The following PTPRT variants were observed in gnomAD, a reference collection of about 807,000 sequenced individuals.
The protein encoded by PTPRT is receptor-type tyrosine-protein phosphatase T.
In PTPRT, 56 loss-of-function variants were observed where a neutral mutation model predicts 176.8. That is an observed-to-expected ratio of 0.32 (90% CI 0.26 to 0.40). The LOEUF (loss-of-function observed/expected upper bound fraction) is 0.40, where lower values mean the gene tolerates loss of function less well. Ranked by LOEUF, PTPRT falls within the 10% of genes least tolerant of loss-of-function variation. The pLI, the probability that PTPRT is intolerant of heterozygous loss-of-function variation, is 1.00. For synonymous variants in PTPRT, 783 were observed against 739.0 expected, an observed-to-expected ratio of 1.06 and a Z score of -0.96; for missense variants, 1,540 against 1,908.2, an observed-to-expected ratio of 0.81 and a Z score of 3.60.
At chr20:42,433,481 A>G (rs2145808869) in intron 9 of PTPRT, among the ~76,000 whole-genome samples, 2 of 152,276 alleles carry the variant, frequency 1.3e-5, no homozygotes, top group African/African-American at 4.8e-5. Flanking sequence ...GTGCTGTGCC[A>G]TGATGAAAGG....
intron 2 of PTPRT, 34 bp from the exon 3 acceptor site, chr20:42,791,500 CAA>C: frequency 6.4e-7 from 1 of 1,572,910 alleles, no homozygotes; most frequent in Non-Finnish European, 8.6e-7. Context: ...GAAGTAGAGA[CAA>C]AGAGAAAGTA....
In PTPRT at chr20:42,653,036, T is replaced by C. The variant is rs557799733; in HGVS notation, c.1153+24830A>G. On this transcript the variant is annotated intron_variant, in intron 7 of 30. Transcript: ENST00000373187. ...CTAACAGACTGATATGATTTGGCTA[T>C]GTCCCCAACCAAATCTCATCTTGAA... 5.6e-4 allele frequency among the ~76,000 whole-genome samples: 86 copies of C among 152,294 alleles called. 1 individual carries two copies. The highest frequency in any genetic ancestry group is 3.4e-3 in the Middle Eastern group (1 of 294).
intron 7 of PTPRT, among the ~76,000 whole-genome samples, chr20:42,593,622 A>C (rs1445252551): frequency 2.0e-5 from 3 of 152,342 alleles, no homozygotes; most frequent in African/African-American, 7.2e-5. Flanking sequence ...AAGAGTGGGA[A>C]GTTGTTGCTT....
In PTPRT at chr20:42,199,310, G is replaced by C; in HGVS notation, c.2421C>G (p.Pro807=). The C allele has an allele frequency of 3.1e-6, 5 of 1,614,176 alleles. No homozygotes were observed. The highest frequency in any genetic ancestry group is 4.2e-6 in the Non-Finnish European group (5 of 1,180,022). The change falls in exon 16 of 31, where the codon CCC becomes CCG. Residue 807 remains proline, a synonymous_variant. Transcript: ENST00000373187. ...TGCGGCTGGCGCTGAGCTTGGTGGT[G>C]GGTTTGTCGGCAGAGGCCACAGGCC... ...EMGPVASADK[P]TTKLSASRND...
chr20:42,352,794 C>T (rs145808653), intron 9 of PTPRT, among the ~76,000 whole-genome samples: 84 of 152,176 alleles, frequency 5.5e-4, no homozygotes, highest in African/African-American at 1.8e-3. Flanking sequence ...ATGATTATTA[C>T]GCATTGCATG....
chr20:42,792,688 A>G (rs776424162), intron 2 of PTPRT, among the ~76,000 whole-genome samples: 8 of 152,172 alleles, frequency 5.3e-5, no homozygotes, highest in Non-Finnish European at 1.2e-4. Flanking sequence ...AATAAACCTT[A>G]AGACCACTTA....
chr20:42,504,835 T>G (rs1210194781), intron 7 of PTPRT, among the ~76,000 whole-genome samples: 1 of 152,198 alleles, frequency 6.6e-6, no homozygotes, highest in African/African-American at 2.4e-5. Flanking sequence ...TCTTTGAATT[T>G]ACTGAGTTTT....
chr20:42,911,776 T>G (rs1978394960), intron 1 of PTPRT, among the ~76,000 whole-genome samples: 1 of 152,052 alleles, frequency 6.6e-6, no homozygotes, highest in Admixed American at 6.6e-5. Flanking sequence ...CTTTTGAGAC[T>G]TTTTTTCCAA....
At chr20:42,537,600 A>G (rs1217766207) in intron 7 of PTPRT, among the ~76,000 whole-genome samples, 1 of 152,118 alleles carries the variant, frequency 6.6e-6, no homozygotes, top group Non-Finnish European at 1.5e-5. Flanking sequence ...CAGGATTGAA[A>G]ACCAGCTGTT....
chr20:42,496,108 G>T (rs1050521855), intron 7 of PTPRT, among the ~76,000 whole-genome samples: 1 of 152,044 alleles, frequency 6.6e-6, no homozygotes, highest in Non-Finnish European at 1.5e-5. Context: ...TATTCATTAA[G>T]GGGAAGTGGA....
intron 12 of PTPRT, 60 bp downstream of exon 12, chr20:42,315,663 C>T: frequency 6.4e-7 from 1 of 1,562,580 alleles, no homozygotes; most frequent in South Asian, 1.2e-5. Context: ...GCTGACTTAT[C>T]ATTTGAGAAT....
the PTPRT span, among the ~76,000 whole-genome samples, chr20:42,059,446 G>A: frequency 2.6e-5 from 4 of 152,124 alleles, no homozygotes; most frequent in Admixed American, 6.5e-5. Context: ...GCAAGAAGGC[G>A]GCTCAACAAT....
At chr20:42,350,485 G>T in intron 11 of PTPRT, 143 bp downstream of exon 11, 1 of 706,824 alleles carries the variant, frequency 1.4e-6, no homozygotes, top group Non-Finnish European at 2.5e-6. Context: ...AACTGGGCTT[G>T]GGGCTGCTGA....
intron 15 of PTPRT, among the ~76,000 whole-genome samples, chr20:42,219,392 C>T (rs542033533): frequency 6.6e-6 from 1 of 152,104 alleles, no homozygotes; most frequent in Non-Finnish European, 1.5e-5. Context: ...GTGTTATAAT[C>T]TCAACACATA....
chr20:42,056,651 C>G, the PTPRT span, among the ~76,000 whole-genome samples: 1 of 152,220 alleles, frequency 6.6e-6, no homozygotes, highest in Admixed American at 6.5e-5. Flanking sequence ...TGTGTACACA[C>G]TTGCCTTTGT....
chr20:43,143,422 G>A (rs937426825), intron 1 of PTPRT, among the ~76,000 whole-genome samples: 1 of 152,172 alleles, frequency 6.6e-6, no homozygotes, highest in Non-Finnish European at 1.5e-5. Flanking sequence ...TTACACACTT[G>A]TGCATTCATT....
At chr20:42,759,121 A>G (rs2076879478) in intron 5 of PTPRT, among the ~76,000 whole-genome samples, 1 of 152,206 alleles carries the variant, frequency 6.6e-6, no homozygotes, top group Non-Finnish European at 1.5e-5. Flanking sequence ...GGGGTCATCA[A>G]AAGGAGCCCA....
intron 30 of PTPRT, among the ~76,000 whole-genome samples, chr20:42,081,429 G>A (rs1983317198): frequency 6.6e-6 from 1 of 152,056 alleles, no homozygotes; most frequent in Non-Finnish European, 1.5e-5. Context: ...GTCCACCATG[G>A]TACCAGGTCT....
chr20:42,677,428 A>C (rs1334342703), intron 7 of PTPRT, among the ~76,000 whole-genome samples: 2 of 152,068 alleles, frequency 1.3e-5, no homozygotes, highest in Non-Finnish European at 2.9e-5. Context: ...CCTCAGAGAA[A>C]CAGAGCCAGG....
Sources: allele counts gnomAD v4.1 joint callset (sites outside exome capture counted in the v4.1 genomes callset), GRCh38; gene constraint gnomAD v4.1.1; transcripts MANE v1.5; gene names NCBI Gene and HGNC (gene_info 2026-07-23, HGNC 2026-07-21).